Variants in DIS3L2 observed in about 807,000 individuals in gnomAD.
DIS3L2 encodes DIS3-like exonuclease 2.
DIS3L2 carries 34 observed loss-of-function variants against 97.5 expected under a neutral mutation model. The observed-to-expected ratio is 0.35, with a 90% CI of 0.27 to 0.46. The LOEUF is 0.46. Among genes scored for constraint, DIS3L2 ranks in the 20% least tolerant of loss-of-function variants. The probability of loss-of-function intolerance (pLI) is 1.00; values close to 1 mark genes in which losing one functional copy is unlikely to be tolerated. For synonymous variants in DIS3L2, 435 were observed against 445.2 expected (o/e 0.98, Z 0.29); for missense variants, 1,038 against 1,146.0 (o/e 0.91, Z 1.36).
chr2:231,989,339 TTGTGTGTGTGTGTGTG>T lies in DIS3L2; in HGVS notation c.-93-25476_-93-25461del, dbSNP rs59088969. Among the ~76,000 whole-genome samples the T allele has an allele frequency of 6.1e-5, 9 of 146,690 alleles. No individual in the cohort carries two copies. The East Asian group carries it at 1.4e-3, about 23-fold the overall frequency. On this transcript the variant is annotated intron_variant, in intron 1 of 20. Transcript: ENST00000325385. ...TTTAAAAATGTATGTGTCAGTATAA[TTGTGTGTGTGTGTGTG>T]TGTGTGTGTGTGTGTGTGTATGTGT...
chr2:232,032,183 C>G (rs769781834), intron 5 of DIS3L2, among the ~76,000 whole-genome samples: 1 of 152,182 alleles, frequency 6.6e-6, no homozygotes, highest in Non-Finnish European at 1.5e-5. Context: ...TGTTTCCTGA[C>G]TTTTTAGTGA....
At chr2:232,331,494 G>GATTT (rs1695737493) in intron 16 of DIS3L2, among the ~76,000 whole-genome samples, 1 of 152,210 alleles carries the variant, frequency 6.6e-6, no homozygotes, top group Non-Finnish European at 1.5e-5. Context: ...GACCTCAGTG[G>GATTT]ATTTATTTTC....
intron 14 of DIS3L2, among the ~76,000 whole-genome samples, chr2:232,314,592 A>C (rs1695220191): frequency 6.6e-6 from 1 of 152,232 alleles, no homozygotes; most frequent in South Asian, 2.1e-4. Flanking sequence ...AACTCTCAAA[A>C]CTAGATATTT....
chr2:231,992,353 C>T (rs1693608682), intron 1 of DIS3L2, among the ~76,000 whole-genome samples: 1 of 151,982 alleles, frequency 6.6e-6, no homozygotes, highest in South Asian at 2.1e-4. Context: ...GGGATGCTAC[C>T]CAAAATGCAC....
intron 12 of DIS3L2, among the ~76,000 whole-genome samples, chr2:232,261,286 T>C (rs1032706630): frequency 2.6e-5 from 4 of 152,134 alleles, no homozygotes; most frequent in Admixed American, 1.3e-4. Context: ...AGATCCCTTT[T>C]GTTCTCTTGT....
At chr2:232,187,184 G>A (rs1691463241) in intron 9 of DIS3L2, among the ~76,000 whole-genome samples, 1 of 152,168 alleles carries the variant, frequency 6.6e-6, no homozygotes, top group Non-Finnish European at 1.5e-5. Context: ...TTACAAAAAT[G>A]CAAATCAAAA....
At chr2:232,216,310 G>A (rs1294733819) in intron 10 of DIS3L2, among the ~76,000 whole-genome samples, 1 of 152,130 alleles carries the variant, frequency 6.6e-6, no homozygotes, top group East Asian at 1.9e-4. Flanking sequence ...CTCTTCCTTG[G>A]ACTCAAAGGA....
At chr2:232,271,410 T>A (rs1437285108) in intron 13 of DIS3L2, among the ~76,000 whole-genome samples, 1 of 152,226 alleles carries the variant, frequency 6.6e-6, no homozygotes, top group Non-Finnish European at 1.5e-5. Flanking sequence ...AGAATCGCTC[T>A]GTATAATCTG....
intron 5 of DIS3L2, among the ~76,000 whole-genome samples, chr2:232,051,906 A>G (rs1022519050): frequency 1.3e-5 from 2 of 151,188 alleles, no homozygotes; most frequent in Non-Finnish European, 1.5e-5. Context: ...ATGTTTGCAC[A>G]TGGGAGCTGG....
chr2:232,068,412 A>C (rs1030771673), intron 5 of DIS3L2, among the ~76,000 whole-genome samples: 10 of 138,944 alleles, frequency 7.2e-5, no homozygotes, highest in Admixed American at 5.7e-4. Flanking sequence ...TTGCTACTAA[A>C]AAAAAAAAAA....
intron 14 of DIS3L2, among the ~76,000 whole-genome samples, chr2:232,327,233 CCTT>C (rs1396107693): frequency 6.6e-6 from 1 of 152,254 alleles, no homozygotes; most frequent in East Asian, 1.9e-4. Flanking sequence ...CTGGTGGCCT[CCTT>C]AGCCTGCAGC....
chr2:232,334,251 T>C, intron 17 of DIS3L2, 118 bp from the exon 18 acceptor site: 1 of 1,339,640 alleles, frequency 7.5e-7, no homozygotes, highest in Non-Finnish European at 1.0e-6. Flanking sequence ...CCCTGGGAGC[T>C]GGGTGCTTGG....
chr2:232,035,554 G>T (rs1044607383), intron 5 of DIS3L2, among the ~76,000 whole-genome samples: 6 of 152,250 alleles, frequency 3.9e-5, no homozygotes, highest in East Asian at 1.9e-4. Context: ...ATGCTAGCTG[G>T]TTATTTTGCC....
At chr2:232,248,011 AGACAT>A (rs1243648166) in intron 11 of DIS3L2, among the ~76,000 whole-genome samples, 3 of 152,242 alleles carry the variant, frequency 2.0e-5, no homozygotes, top group African/African-American at 7.2e-5. Flanking sequence ...AGATGTTAAA[AGACAT>A]GACATTCTTT....
chr2:232,158,333 G>A (rs1358536168), intron 8 of DIS3L2, among the ~76,000 whole-genome samples: 2 of 151,636 alleles, frequency 1.3e-5, no homozygotes, highest in Non-Finnish European at 2.9e-5. Context: ...GTGTGTGTGT[G>A]TGCATGTGTG....
chr2:232,162,904 C>T (rs2106376600), intron 8 of DIS3L2, among the ~76,000 whole-genome samples: 1 of 152,184 alleles, frequency 6.6e-6, no homozygotes, highest in East Asian at 1.9e-4. Flanking sequence ...GGCCAGTGCC[C>T]TAAAATGTGC....
chr2:232,248,682 T>G (rs1462168699), intron 11 of DIS3L2, among the ~76,000 whole-genome samples: 1 of 152,228 alleles, frequency 6.6e-6, no homozygotes, highest in Non-Finnish European at 1.5e-5. Flanking sequence ...ATCACAATGT[T>G]TATCTAGGAA....
At chr2:231,975,485 G>A (rs556597053) in intron 1 of DIS3L2, among the ~76,000 whole-genome samples, 13 of 151,946 alleles carry the variant, frequency 8.6e-5, no homozygotes, top group African/African-American at 3.1e-4. Context: ...GGCGGATCAC[G>A]AGGTCCGGAG....
exon 14 of DIS3L2, chr2:232,343,448 C>G: frequency 6.4e-7 from 1 of 1,555,926 alleles, no homozygotes; most frequent in South Asian, 1.2e-5. Context: ...CTGCCTGAGA[C>G]TCGGGGCATA....
Sources: allele counts gnomAD v4.1 joint callset (sites outside exome capture counted in the v4.1 genomes callset), GRCh38; gene constraint gnomAD v4.1.1; transcripts MANE v1.5; gene names NCBI Gene and HGNC (gene_info 2026-07-23, HGNC 2026-07-21).